Variants in FAM193A observed in about 807,000 individuals in gnomAD.
The protein encoded by FAM193A is family with sequence similarity 193 member A, also known as protein FAM193A.
FAM193A carries 22 observed loss-of-function variants against 126.5 expected under a neutral mutation model. That is an observed-to-expected ratio of 0.17 (90% CI 0.12 to 0.25). FAM193A has a LOEUF of 0.25. Among genes scored for constraint, FAM193A ranks in the 10% least tolerant of loss-of-function variants. The probability of loss-of-function intolerance (pLI) is 1.00; values close to 1 mark genes in which losing one functional copy is unlikely to be tolerated. For missense variants in FAM193A, 1,675 were observed against 1,672.8 expected, an observed-to-expected ratio of 1.00 and a Z score of -0.02; for synonymous variants, 761 against 646.8, an observed-to-expected ratio of 1.18 and a Z score of -2.68.
At chr4:2,693,194 A>G (rs945668836) in intron 15 of FAM193A, among the ~76,000 whole-genome samples, 7 of 151,486 alleles carry the variant, frequency 4.6e-5, no homozygotes, top group Non-Finnish European at 8.8e-5. Flanking sequence ...AATTTTTTGT[A>G]TTTCTAGTAG....
At chr4:2,730,366 A>G (rs1721232726) in intron 20 of FAM193A, among the ~76,000 whole-genome samples, 1 of 152,218 alleles carries the variant, frequency 6.6e-6, no homozygotes, top group Non-Finnish European at 1.5e-5. Flanking sequence ...ATATGTGTAT[A>G]CAATTTTTTC....
chr4:2,727,131 C>T (rs1426332065), intron 20 of FAM193A, among the ~76,000 whole-genome samples: 5 of 151,916 alleles, frequency 3.3e-5, no homozygotes, highest in East Asian at 1.9e-4. Context: ...TGGTGGTGCT[C>T]GCCTGTAGTC....
intron 4 of FAM193A, among the ~76,000 whole-genome samples, chr4:2,628,225 T>C (rs1743176302): frequency 6.6e-6 from 1 of 152,218 alleles, no homozygotes; most frequent in Non-Finnish European, 1.5e-5. Context: ...GTAGATTCTT[T>C]CCTGGAGGCA....
At chr4:2,618,240 T>C (rs1304596129) in intron 2 of FAM193A, among the ~76,000 whole-genome samples, 1 of 152,176 alleles carries the variant, frequency 6.6e-6, no homozygotes, top group African/African-American at 2.4e-5. Flanking sequence ...TAGTGTGCTT[T>C]GGGTTAATTG....
Position 2,583,676 on chromosome 4 carries a change from A to G in FAM193A, c.256-12408A>G, listed in dbSNP as rs187383743. Among the ~76,000 whole-genome samples the G allele has an allele frequency of 3.9e-5, 6 of 152,210 alleles. No homozygotes were observed. In the East Asian group the frequency reaches 5.8e-4, roughly 15 times the overall value. On this transcript the variant is annotated intron_variant, in intron 1 of 20. Transcript: ENST00000637812. Reference sequence around the variant, plus strand: ...GCCAGAAATTGTCCTGACAGCCTGTACTCAGCCTTTCGCAATTTGTCTTTT... The same window carrying G: ...GCCAGAAATTGTCCTGACAGCCTGTGCTCAGCCTTTCGCAATTTGTCTTTT...
intron 2 of FAM193A, among the ~76,000 whole-genome samples, chr4:2,606,538 G>A (rs1033001560): frequency 2.0e-5 from 3 of 152,034 alleles, no homozygotes; most frequent in African/African-American, 7.3e-5. Context: ...TTTCTCAAGG[G>A]TTAGGTGTAG....
chr4:2,572,203 C>T (rs1165244653), intron 1 of FAM193A, among the ~76,000 whole-genome samples: 1 of 151,064 alleles, frequency 6.6e-6, no homozygotes, highest in Non-Finnish European at 1.5e-5. Flanking sequence ...GTTGTGTGTG[C>T]CAGTAATCCC....
rs761930833 is a variant in FAM193A, at chr4:2,716,131, C to A, written c.4454+27C>A. 257 of 1,417,788 alleles carry A rather than the reference C, an allele frequency of 1.8e-4. 1 individual carries two copies. Among genetic ancestry groups the A allele is most frequent in the Middle Eastern group, 3.5e-4 (2 of 5,704 alleles). The allele number at this position is 1,417,788 out of a possible 1,614,324, so 87.8% of individuals were successfully genotyped here. ...TAAATGTGGAGGCTGTGTCTGAAACCGTGGTGACTGTGTGCTTGCCATACA... is the reference window on the plus strand; with the variant it reads ...TAAATGTGGAGGCTGTGTCTGAAACAGTGGTGACTGTGTGCTTGCCATACA... On this transcript the variant is annotated intron_variant, in intron 20 of 20. Coordinates refer to ENST00000637812, the MANE Select transcript of FAM193A (RefSeq NM_001366318.2).
intron 19 of FAM193A, among the ~76,000 whole-genome samples, chr4:2,711,834 G>A (rs778562981): frequency 4.6e-5 from 7 of 152,074 alleles, no homozygotes; most frequent in Non-Finnish European, 8.8e-5. Flanking sequence ...GGCTGAGGCA[G>A]AAGAATCGCT....
intron 2 of FAM193A, among the ~76,000 whole-genome samples, chr4:2,618,721 G>A (rs1237088525): frequency 6.6e-6 from 1 of 150,986 alleles, no homozygotes; most frequent in African/African-American, 2.4e-5. Context: ...CCAGCCTCCT[G>A]AGTAGCTGGG....
intron 1 of FAM193A, among the ~76,000 whole-genome samples, chr4:2,568,973 C>CTTTGTTTTTTTTTT (rs1739128855): frequency 1.1e-5 from 1 of 90,722 alleles, no homozygotes; most frequent in Non-Finnish European, 1.9e-5. Context: ...TGTTGTTTTG[C>CTTTGTTTTTTTTTT]TTTTTTTTTT....
intron 1 of FAM193A, among the ~76,000 whole-genome samples, chr4:2,588,742 C>T (rs1210295943): frequency 6.6e-6 from 1 of 152,152 alleles, no homozygotes; most frequent in East Asian, 1.9e-4. Context: ...CTGGGTATTG[C>T]TGTAAAGACT....
intron 1 of FAM193A, among the ~76,000 whole-genome samples, chr4:2,546,084 G>T (rs977029845): frequency 6.6e-5 from 10 of 151,878 alleles, no homozygotes; most frequent in African/African-American, 2.2e-4. Context: ...GGAAGCAGAG[G>T]TTGCAGTGAG....
chr4:2,698,131 T>C (rs1268829779), intron 18 of FAM193A, among the ~76,000 whole-genome samples: 1 of 152,244 alleles, frequency 6.6e-6, no homozygotes, highest in Non-Finnish European at 1.5e-5. Context: ...GCTCACTGGC[T>C]GGCTGGTTGT....
chr4:2,578,600 A>G (rs574739032), intron 1 of FAM193A, among the ~76,000 whole-genome samples: 1 of 152,180 alleles, frequency 6.6e-6, no homozygotes, highest in South Asian at 2.1e-4. Flanking sequence ...GGGGTTAGGG[A>G]TGCTGACCCC....
At chr4:2,593,971 T>C (rs1471986029) in intron 1 of FAM193A, among the ~76,000 whole-genome samples, 1 of 152,022 alleles carries the variant, frequency 6.6e-6, no homozygotes, top group Non-Finnish European at 1.5e-5. Context: ...TCTGGCGTTC[T>C]CTAGGACACT....
chr4:2,536,625 C>T (rs997233560), upstream of FAM193A: 2 of 150,834 alleles, frequency 1.3e-5, no homozygotes, highest in African/African-American at 2.4e-5. Flanking sequence ...TGCTCCTTCC[C>T]CCTCCCCCGA....
intron 2 of FAM193A, among the ~76,000 whole-genome samples, chr4:2,606,176 A>G (rs1395566047): frequency 7.1e-6 from 1 of 141,520 alleles, no homozygotes; most frequent in East Asian, 2.2e-4. Context: ...TCAACCTCCC[A>G]TGTTGCTGGG....
intron 5 of FAM193A, 112 bp from the exon 6 acceptor site, chr4:2,639,623 A>G (rs1744407542): frequency 3.2e-6 from 2 of 624,962 alleles, no homozygotes; most frequent in African/African-American, 6.0e-5. Context: ...GTGAAGAGGG[A>G]TGTGTGCGTG....
Sources: allele counts gnomAD v4.1 joint callset (sites outside exome capture counted in the v4.1 genomes callset), GRCh38; gene constraint gnomAD v4.1.1; transcripts MANE v1.5; gene names NCBI Gene and HGNC (gene_info 2026-07-23, HGNC 2026-07-21).